ADRA1A: variants seen among roughly 807,000 people sequenced by gnomAD.
ADRA1A encodes the protein alpha-1A adrenergic receptor.
ADRA1A carries 31 observed loss-of-function variants against 29.6 expected under a neutral mutation model. That is an observed-to-expected ratio of 1.05 (90% CI 0.79 to 1.41). ADRA1A has a LOEUF of 1.41. Ranked by LOEUF, ADRA1A falls within the 40% of genes most tolerant of loss-of-function variation. The pLI is 0.00. For synonymous variants in ADRA1A, 311 were observed against 254.3 expected, an observed-to-expected ratio of 1.22 and a Z score of -2.12; for missense variants, 619 against 601.1, an observed-to-expected ratio of 1.03 and a Z score of -0.31.
downstream of ADRA1A, chr8:26,766,004 G>T (rs200996631): frequency 5.6e-6 from 9 of 1,610,530 alleles, no homozygotes; most frequent in East Asian, 1.8e-4. Context: ...ATAGCTTCCA[G>T]CTGACTCCTC....
chr8:26,788,476 A>T (rs192729728), intron 2 of ADRA1A, among the ~76,000 whole-genome samples: 1 of 152,198 alleles, frequency 6.6e-6, no homozygotes, highest in Non-Finnish European at 1.5e-5. Flanking sequence ...CTCATAACCC[A>T]TGTGGAGAGT....
rs934854455 is a variant in ADRA1A, at chr8:26,821,331, A to G, written c.883+42756T>C. 5.3e-5 allele frequency among the ~76,000 whole-genome samples: 8 copies of G among 152,208 alleles called. No homozygotes were observed. Among genetic ancestry groups the G allele is most frequent in the South Asian group, 2.1e-4 (1 of 4,834 alleles). On this transcript the variant is annotated intron_variant, in intron 2 of 2. Transcript: ENST00000380573. The surrounding 1 kb of genome is among the most constrained non-coding windows in gnomAD (Gnocchi z 5.6). ...GCTTCTGGTGAGGGCCTCAGGAAGCATACAGTCATGGTGGAAGGCTAAGGG... is the reference window on the plus strand; with the variant it reads ...GCTTCTGGTGAGGGCCTCAGGAAGCGTACAGTCATGGTGGAAGGCTAAGGG...
rs554938201 is a variant in ADRA1A at position 26,779,439 on chromosome 8, G to A, written c.884-8773C>T. ...GGCCTCAGTTTCCTCATCTGTAAAA[G>A]TAAAGACTTAGAACAGTAATTGATG... On this transcript the variant is annotated intron_variant, in intron 2 of 2. Transcript: ENST00000380573. The A allele has an allele frequency of 1.6e-5, 11 of 701,670 alleles. No individual in the cohort carries two copies. The African/African-American group carries it at 1.9e-4, about 12-fold the overall frequency. 43.5% of individuals were successfully genotyped at this position (701,670 alleles called of 1,614,324 possible). A position where few individuals can be genotyped will look rare whatever the true frequency, so the allele number is the denominator to read the frequency against.
intron 2 of ADRA1A, among the ~76,000 whole-genome samples, chr8:26,799,041 T>G (rs1808387534): frequency 6.6e-6 from 1 of 152,186 alleles, no homozygotes; most frequent in Non-Finnish European, 1.5e-5. Context: ...TTGAATTTAA[T>G]GAACTAAAAA....
intron 2 of ADRA1A, among the ~76,000 whole-genome samples, chr8:26,862,070 C>T (rs769674982): frequency 4.6e-5 from 7 of 152,198 alleles, no homozygotes; most frequent in African/African-American, 7.2e-5. Context: ...GCAAACTTTA[C>T]TTTGGCCTGA....
rs939705338 is a variant in ADRA1A at position 26,865,264 on chromosome 8, C to T, written c.-295G>A. On this transcript the variant is annotated 5_prime_UTR_variant, in exon 2 of 3. Coordinates refer to ENST00000380573, the MANE Select transcript of ADRA1A (RefSeq NM_000680.4). The surrounding 1 kb of genome is among the most constrained non-coding windows in gnomAD (Gnocchi z 7.6). ...TGGCCTAGCCCGGGACCCGGACTCC[C>T]TCCCTACCCGAAGCTGGGTGCGAAG... is the stretch of plus-strand genomic sequence containing the variant. The T allele has an allele frequency of 2.9e-5, 37 of 1,265,426 alleles. No homozygotes were observed. The highest frequency in any genetic ancestry group is 2.0e-4 in the South Asian group (9 of 45,872). The allele number at this position is 1,265,426 out of a possible 1,614,324, so 78.4% of individuals were successfully genotyped here. A position where few individuals can be genotyped will look rare whatever the true frequency, so the allele number is the denominator to read the frequency against.
At chr8:26,843,329 T>C (rs1219510046) in intron 2 of ADRA1A, among the ~76,000 whole-genome samples, 1 of 152,202 alleles carries the variant, frequency 6.6e-6, no homozygotes, top group Non-Finnish European at 1.5e-5. Context: ...CAGTGAACAT[T>C]AGACTCGCCT....
intron 2 of ADRA1A, among the ~76,000 whole-genome samples, chr8:26,849,459 T>C (rs1812455164): frequency 6.6e-6 from 1 of 152,194 alleles, no homozygotes; most frequent in African/African-American, 2.4e-5. Flanking sequence ...CTACACACCC[T>C]GCACCAAACA....
At chr8:26,757,245 G>A in intron 2 of ADRA1A, 1 of 674,006 alleles carries the variant, frequency 1.5e-6, no homozygotes, top group Admixed American at 2.1e-5. Flanking sequence ...AGACCATTTG[G>A]CAGGGAGATG....
At position 26,750,112 on chromosome 8, in the gene ADRA1A, A is replaced by G. The variant is rs1208843808; in HGVS notation, c.1270-1364T>C. On this transcript the variant is annotated intron_variant, in intron 2 of 2. Coordinates refer to the ADRA1A transcript ENST00000380586. The stretch of plus-strand genomic sequence containing the variant: ...GGCATTGGCAGATTTGGTATCTGGT[A>G]AAGGCCTGTTTTCTGGTTCATAGGT... Among the ~76,000 whole-genome samples the G allele has an allele frequency of 7.2e-5, 11 of 152,288 alleles. No individual in the cohort carries two copies. The East Asian group carries it at 2.1e-3, about 29-fold the overall frequency.
intron 2 of ADRA1A, chr8:26,835,770 G>A (rs1585796668): frequency 1.3e-5 from 2 of 152,192 alleles, no homozygotes; most frequent in African/African-American, 4.8e-5. Flanking sequence ...GGTCAAAGGG[G>A]TTACTGACAA....
Position 26,769,259 on chromosome 8 carries a change from A to T in ADRA1A, c.*890T>A, listed in dbSNP as rs1585646232. The T allele has an allele frequency of 1.0e-6, 1 of 985,354 alleles. No individual in the cohort carries two copies. The highest frequency in any genetic ancestry group is 4.7e-5 in the South Asian group (1 of 21,286). 61.0% of individuals were successfully genotyped at this position (985,354 alleles called of 1,614,324 possible). A position where few individuals can be genotyped will look rare whatever the true frequency, so the allele number is the denominator to read the frequency against. Reference sequence around the variant, plus strand: ...GTTGAAATGGCTGTGCAGTAAGTGAACAGCCTCTATCTTTGCAAGAAATTA... The same window carrying T: ...GTTGAAATGGCTGTGCAGTAAGTGATCAGCCTCTATCTTTGCAAGAAATTA... On this transcript the variant is annotated 3_prime_UTR_variant, in exon 3 of 3. Transcript: ENST00000380573.
intron 2 of ADRA1A, among the ~76,000 whole-genome samples, chr8:26,824,889 A>C (rs932026400): frequency 6.6e-6 from 1 of 152,238 alleles, no homozygotes; most frequent in Non-Finnish European, 1.5e-5. Flanking sequence ...CTGGAAGAAA[A>C]GACAGCAAGA....
In ADRA1A at chr8:26,796,201, C is replaced by T. The variant is rs1481970858; in HGVS notation, c.884-25535G>A. 2.0e-5 allele frequency among the ~76,000 whole-genome samples: 3 copies of T among 152,056 alleles called. No individual in the cohort carries two copies. Among genetic ancestry groups the T allele is most frequent in the African/African-American group, 7.2e-5 (3 of 41,406 alleles). On this transcript the variant is annotated intron_variant, in intron 2 of 2. Coordinates refer to ENST00000380573, the MANE Select transcript of ADRA1A (RefSeq NM_000680.4). This position sits in a 1 kb window ranked among gnomAD's most constrained non-coding sequence, Gnocchi z 5.0. ...ATAAAACTGCCTATGAATTAGTTTACAATTATTAAAATTGGGTTATAGGTA... is the reference window on the plus strand; with the variant it reads ...ATAAAACTGCCTATGAATTAGTTTATAATTATTAAAATTGGGTTATAGGTA...
downstream of ADRA1A, among the ~76,000 whole-genome samples, chr8:26,764,519 G>C (rs989261001): frequency 2.0e-5 from 3 of 152,216 alleles, no homozygotes; most frequent in Non-Finnish European, 4.4e-5. Context: ...TGAACGTCAA[G>C]AGTGTCGAGA....
chr8:26,765,106 C>G (rs989282411), downstream of ADRA1A, among the ~76,000 whole-genome samples: 11 of 152,206 alleles, frequency 7.2e-5, no homozygotes, highest in African/African-American at 2.7e-4. Context: ...ACTCAACCAT[C>G]CTGCTTTAAG....
rs1161492170 is a variant in ADRA1A, at chr8:26,865,576, G to A, written c.-607C>T. On this transcript the variant is annotated 5_prime_UTR_variant, in exon 2 of 3. Transcript: ENST00000380573. The surrounding 1 kb of genome is among the most constrained non-coding windows in gnomAD (Gnocchi z 7.6). Reference sequence around the variant, plus strand: ...AGGCTCCTGCTCTCTCCAGCTTCTAGGAGCACAGGTCAGGGGACGTAGGTG... The same window carrying A: ...AGGCTCCTGCTCTCTCCAGCTTCTAAGAGCACAGGTCAGGGGACGTAGGTG... The A allele has an allele frequency of 1.0e-6, 1 of 989,402 alleles. No homozygotes were observed. The highest frequency in any genetic ancestry group is 1.2e-6 in the Non-Finnish European group (1 of 832,730). The allele number at this position is 989,402 out of a possible 1,614,324, so 61.3% of individuals were successfully genotyped here.
At chr8:26,794,151 CATT>C (rs1344139885) in intron 2 of ADRA1A, among the ~76,000 whole-genome samples, 2 of 151,966 alleles carry the variant, frequency 1.3e-5, no homozygotes, top group Non-Finnish European at 2.9e-5. Context: ...TTATTAAAAA[CATT>C]AGGGAATAAT....
chr8:26,865,692 G>A lies in ADRA1A; in HGVS notation c.-686-37C>T. On this transcript the variant is annotated intron_variant, in intron 1 of 2. Coordinates refer to ENST00000380573, the MANE Select transcript of ADRA1A (RefSeq NM_000680.4). This position sits in a 1 kb window ranked among gnomAD's most constrained non-coding sequence, Gnocchi z 7.6. ...CAAAGAGAAAGGCGGCTTTGAGCTA[G>A]GCGCCCCAGGGAAAGAGGCTGTGCT... 2.0e-6 allele frequency: 2 copies of A among 985,910 alleles called. No individual in the cohort carries two copies. The highest frequency in any genetic ancestry group is 2.4e-6 in the Non-Finnish European group (2 of 830,394). The allele number at this position is 985,910 out of a possible 1,614,324, so 61.1% of individuals were successfully genotyped here. A position where few individuals can be genotyped will look rare whatever the true frequency, so the allele number is the denominator to read the frequency against.
Sources: allele counts gnomAD v4.1 joint callset (sites outside exome capture counted in the v4.1 genomes callset), GRCh38; gene constraint gnomAD v4.1.1; non-coding constraint Gnocchi (gnomAD v3.1); transcripts MANE v1.5; gene names NCBI Gene and HGNC (gene_info 2026-07-23, HGNC 2026-07-21).